The following ZMIZ1 variants were observed in gnomAD, a reference collection of about 807,000 sequenced individuals.
ZMIZ1 encodes the protein zinc finger MIZ-type containing 1.
In ZMIZ1, 17 loss-of-function variants were observed where a neutral mutation model predicts 113.9. That is an observed-to-expected ratio of 0.15 (90% CI 0.10 to 0.22). The LOEUF is 0.22. Ranked by LOEUF, ZMIZ1 falls within the 10% of genes least tolerant of loss-of-function variation. ZMIZ1 has a pLI of 1.00. For missense variants in ZMIZ1, 1,059 were observed against 1,477.8 expected, an observed-to-expected ratio of 0.72 and a Z score of 4.65; for synonymous variants, 607 against 603.1, an observed-to-expected ratio of 1.01 and a Z score of -0.09.
intron 7 of ZMIZ1, among the ~76,000 whole-genome samples, chr10:79,221,022 A>G (rs1349515860): frequency 6.6e-6 from 1 of 152,050 alleles, no homozygotes; most frequent in East Asian, 1.9e-4. Flanking sequence ...GTGTTTGTGC[A>G]TGGCTGTGTA....
intron 11 of ZMIZ1, 24 bp downstream of exon 11, chr10:79,292,380 T>A: frequency 1.3e-6 from 2 of 1,590,180 alleles, no homozygotes; most frequent in Non-Finnish European, 1.7e-6. Flanking sequence ...CTAATCCTGG[T>A]CCAGCCTTGC....
At chr10:79,299,811 GT>G (rs1325771208) in intron 16 of ZMIZ1, among the ~76,000 whole-genome samples, 1 of 152,236 alleles carries the variant, frequency 6.6e-6, no homozygotes, top group Non-Finnish European at 1.5e-5. Context: ...GCTTGTGTGA[GT>G]TCTCACAGCT....
Position 79,291,099 on chromosome 10 carries a change from T to A in ZMIZ1, c.681T>A (p.Ala227=), listed in dbSNP as rs762191535. Reference sequence around the variant, plus strand: ...AGCAGCAGCAGTTCTCAGCCAAGGCTGGCCCCGCTCAGCCCTACATCCAGC... The same window carrying A: ...AGCAGCAGCAGTTCTCAGCCAAGGCAGGCCCCGCTCAGCCCTACATCCAGC... ...AGQQQQFSAK[A]GPAQPYIQQS... Residue 227 remains alanine (A), a synonymous_variant, in exon 10 of 25, where the codon GCT becomes GCA. Transcript: ENST00000334512. The A allele has an allele frequency of 6.2e-7, 1 of 1,614,088 alleles. No homozygotes were observed. The highest frequency in any genetic ancestry group is 8.5e-7 in the Non-Finnish European group (1 of 1,180,044).
At chr10:79,093,420 G>A (rs1447900077) in intron 1 of ZMIZ1, among the ~76,000 whole-genome samples, 1 of 151,854 alleles carries the variant, frequency 6.6e-6, no homozygotes, top group Non-Finnish European at 1.5e-5. Context: ...CCTGCCTCCT[G>A]GGTTCAAGCG....
chr10:79,184,041 C>T (rs932909543), intron 4 of ZMIZ1, among the ~76,000 whole-genome samples: 4 of 152,206 alleles, frequency 2.6e-5, no homozygotes, highest in Admixed American at 6.5e-5. Context: ...CAGGAAACGT[C>T]GGCCAGCGTT....
intron 1 of ZMIZ1, among the ~76,000 whole-genome samples, chr10:79,070,190 C>T (rs1293223506): frequency 6.6e-6 from 1 of 151,844 alleles, no homozygotes; most frequent in African/African-American, 2.4e-5. Context: ...ACATTCCTGG[C>T]GTCTGGGCTG....
intron 6 of ZMIZ1, among the ~76,000 whole-genome samples, chr10:79,214,072 C>T (rs373815726): frequency 3.9e-5 from 6 of 152,296 alleles, no homozygotes; most frequent in Middle Eastern, 3.4e-3. Flanking sequence ...CCAGAGTCCA[C>T]GTATGAGCTG....
At chr10:79,176,054 C>T (rs1233024477) in intron 4 of ZMIZ1, among the ~76,000 whole-genome samples, 1 of 151,962 alleles carries the variant, frequency 6.6e-6, no homozygotes, top group East Asian at 1.9e-4. Context: ...AACCAGGGCA[C>T]AGGGAGGGCA....
chr10:79,133,119 C>T (rs1434030780), intron 2 of ZMIZ1, among the ~76,000 whole-genome samples: 2 of 152,222 alleles, frequency 1.3e-5, no homozygotes, highest in African/African-American at 2.4e-5. Context: ...ACCCTGCTTG[C>T]TTCTCCAGCA....
intron 23 of ZMIZ1, 40 bp downstream of exon 23, chr10:79,307,611 T>C (rs376857382): frequency 1.1e-5 from 17 of 1,589,550 alleles, no homozygotes; most frequent in Non-Finnish European, 1.5e-5. Flanking sequence ...TCCCCAGCCT[T>C]TGGGGTTGAT....
At chr10:79,102,507 G>T (rs1195181414) in intron 1 of ZMIZ1, among the ~76,000 whole-genome samples, 2 of 152,234 alleles carry the variant, frequency 1.3e-5, no homozygotes, top group East Asian at 3.8e-4. Flanking sequence ...GCTGCCCAGG[G>T]CCAGGAGCTG....
intron 4 of ZMIZ1, among the ~76,000 whole-genome samples, chr10:79,196,781 C>T (rs989556833): frequency 2.0e-5 from 3 of 152,368 alleles, no homozygotes; most frequent in Non-Finnish European, 2.9e-5. Flanking sequence ...GCTCTGCCCC[C>T]GGACACAATG....
At chr10:79,253,492 C>T (rs998508948) in intron 7 of ZMIZ1, among the ~76,000 whole-genome samples, 1 of 152,118 alleles carries the variant, frequency 6.6e-6, no homozygotes, top group Non-Finnish European at 1.5e-5. Context: ...TTGTCTTGGG[C>T]GTTTCTAGAG....
intron 8 of ZMIZ1, among the ~76,000 whole-genome samples, chr10:79,280,977 T>C (rs1247367055): frequency 1.3e-5 from 2 of 152,190 alleles, no homozygotes; most frequent in African/African-American, 4.8e-5. Context: ...AGAATCATCC[T>C]CCTCTCATCA....
At chr10:79,235,791 A>T (rs1849565130) in intron 7 of ZMIZ1, among the ~76,000 whole-genome samples, 1 of 152,230 alleles carries the variant, frequency 6.6e-6, no homozygotes, top group Non-Finnish European at 1.5e-5. Context: ...AGAGTCCTTT[A>T]GAAGAGCGTA....
Position 79,118,421 on chromosome 10 carries a change from G to A in ZMIZ1, c.-336-494G>A, listed in dbSNP as rs116469791. Among the ~76,000 whole-genome samples the A allele has an allele frequency of 0.014, 2,066 of 152,310 alleles. 60 individuals are homozygous for A. Among genetic ancestry groups the A allele is most frequent in the African/African-American group, 0.047 (1,934 of 41,562 alleles). The stretch of plus-strand genomic sequence containing the variant: ...AGCGGGAGAGTGTCCTGTGGGAAGC[G>A]GGAGGAGGCAAGGTTGGCCAGGCGC... On this transcript the variant is annotated intron_variant, in intron 1 of 24. Coordinates refer to ENST00000334512, the MANE Select transcript of ZMIZ1 (RefSeq NM_020338.4). The surrounding 1 kb of genome is among the most constrained non-coding windows in gnomAD (Gnocchi z 4.1).
At chr10:79,244,207 T>G (rs912435324) in intron 7 of ZMIZ1, among the ~76,000 whole-genome samples, 1 of 152,234 alleles carries the variant, frequency 6.6e-6, no homozygotes, top group Non-Finnish European at 1.5e-5. Flanking sequence ...ATGCCACCAT[T>G]GCGGCAGGGT....
chr10:79,086,948 C>T (rs995594173), intron 1 of ZMIZ1, among the ~76,000 whole-genome samples: 2 of 152,128 alleles, frequency 1.3e-5, no homozygotes, highest in East Asian at 3.9e-4. Flanking sequence ...ATAATTCTGC[C>T]TCTCCTTTTA....
chr10:79,086,372 G>A (rs1842813960), intron 1 of ZMIZ1, among the ~76,000 whole-genome samples: 1 of 152,210 alleles, frequency 6.6e-6, no homozygotes, highest in Non-Finnish European at 1.5e-5. Flanking sequence ...AAGGTGCCCA[G>A]TAAAGCCTGA....
Sources: gnomAD v4.1 joint callset for allele counts (sites outside exome capture counted in the v4.1 genomes callset) on GRCh38, gnomAD v4.1.1 for gene constraint, Gnocchi (gnomAD v3.1) non-coding constraint, MANE v1.5 for transcripts, NCBI Gene and HGNC (gene_info 2026-07-23, HGNC 2026-07-21) for gene names.